FNDC3B: variants seen among roughly 807,000 people sequenced by gnomAD.
FNDC3B encodes the protein fibronectin type III domain containing 3B.
FNDC3B carries 12 observed loss-of-function variants against 151.5 expected under a neutral mutation model. The ratio of observed to expected loss-of-function variants is 0.08; its 90% confidence interval spans 0.05 to 0.13. The LOEUF is 0.13. Among genes scored for constraint, FNDC3B ranks in the 10% least tolerant of loss-of-function variants. FNDC3B has a pLI of 1.00. For missense variants in FNDC3B, 1,214 were observed against 1,505.3 expected (o/e 0.81, Z 3.20); for synonymous variants, 528 against 549.0 (o/e 0.96, Z 0.54).
At chr3:172,374,189 G>C (rs1408353390) in intron 23 of FNDC3B, among the ~76,000 whole-genome samples, 2 of 152,172 alleles carry the variant, frequency 1.3e-5, no homozygotes, top group African/African-American at 4.8e-5. Flanking sequence ...CAACATGGCA[G>C]CCTGCTCTGC....
chr3:172,092,973 C>T (rs1718914980), intron 1 of FNDC3B, among the ~76,000 whole-genome samples: 2 of 152,014 alleles, frequency 1.3e-5, no homozygotes, highest in Non-Finnish European at 2.9e-5. Context: ...TGTGCACCAC[C>T]ACACCTGGCT....
In FNDC3B at chr3:172,356,517, C is replaced by A. The variant is rs1006304474; in HGVS notation, c.2795+3434C>A. Among the ~76,000 whole-genome samples the A allele has an allele frequency of 3.9e-5, 6 of 152,218 alleles. No individual in the cohort carries two copies. In the South Asian group the frequency reaches 1.0e-3, roughly 26 times the overall value. ...AGGTAGAGATCTTATCTGTAGAAAC[C>A]TTATCCTTCAAGGTTTTTTTGCCTC... On this transcript the variant is annotated intron_variant, in intron 22 of 25. Coordinates refer to ENST00000415807, the MANE Select transcript of FNDC3B (RefSeq NM_022763.4).
intron 11 of FNDC3B, among the ~76,000 whole-genome samples, chr3:172,323,558 A>G (rs2108274638): frequency 6.6e-6 from 1 of 152,214 alleles, no homozygotes; most frequent in East Asian, 1.9e-4. Flanking sequence ...TGGAAACAGT[A>G]TTTCTCCCTT....
At chr3:172,322,081 TCAAA>T (rs1412656463) in intron 11 of FNDC3B, among the ~76,000 whole-genome samples, 3 of 152,348 alleles carry the variant, frequency 2.0e-5, no homozygotes, top group African/African-American at 4.8e-5. Context: ...CTTAGAGGCT[TCAAA>T]CAATCACTTT....
At chr3:172,368,290 A>T (rs1485018664) in intron 23 of FNDC3B, among the ~76,000 whole-genome samples, 1 of 139,236 alleles carries the variant, frequency 7.2e-6, no homozygotes, top group African/African-American at 2.7e-5. Flanking sequence ...AAAAAAAAAA[A>T]AGTCTGGAAT....
chr3:172,345,543 C>T (rs12185914), intron 19 of FNDC3B, among the ~76,000 whole-genome samples: 11,433 of 152,176 alleles, frequency 0.075, 451 homozygotes, highest in Middle Eastern at 0.1. Flanking sequence ...CCCAACTCCC[C>T]AGCATCTTTG....
chr3:172,256,762 G>C (rs1302858282), intron 6 of FNDC3B, among the ~76,000 whole-genome samples: 3 of 152,120 alleles, frequency 2.0e-5, no homozygotes, highest in Non-Finnish European at 4.4e-5. Flanking sequence ...TATTGTTATA[G>C]AAATAATTAG....
At chr3:172,380,134 G>A (rs1313086917) in intron 24 of FNDC3B, among the ~76,000 whole-genome samples, 1 of 151,288 alleles carries the variant, frequency 6.6e-6, no homozygotes, top group African/African-American at 2.4e-5. Context: ...ATTGCAAGCA[G>A]AAACAACTGT....
chr3:172,175,987 C>G (rs548133604), intron 3 of FNDC3B, among the ~76,000 whole-genome samples: 20 of 152,170 alleles, frequency 1.3e-4, no homozygotes, highest in Non-Finnish European at 2.8e-4. Context: ...TATAAATTTA[C>G]CCCATCAGGT....
chr3:172,333,683 T>C (rs904603091), intron 14 of FNDC3B, among the ~76,000 whole-genome samples: 4 of 152,012 alleles, frequency 2.6e-5, no homozygotes, highest in Non-Finnish European at 4.4e-5. Context: ...GCACAAAAAT[T>C]GTCATCATGT....
At chr3:172,058,816 G>A (rs764257165) in intron 1 of FNDC3B, among the ~76,000 whole-genome samples, 1 of 152,020 alleles carries the variant, frequency 6.6e-6, no homozygotes, top group Non-Finnish European at 1.5e-5. Flanking sequence ...CATAACTTCC[G>A]GTCATATATT....
intron 2 of FNDC3B, among the ~76,000 whole-genome samples, chr3:172,130,528 G>A (rs573730639): frequency 2.6e-5 from 4 of 152,080 alleles, no homozygotes; most frequent in Admixed American, 2.0e-4. Flanking sequence ...AGTAAGCAGG[G>A]GGGGAAGGTA....
chr3:172,154,597 T>C (rs1722393114), intron 3 of FNDC3B, among the ~76,000 whole-genome samples: 1 of 152,194 alleles, frequency 6.6e-6, no homozygotes, highest in South Asian at 2.1e-4. Flanking sequence ...TGGAGCTGAC[T>C]GAGGGCAGAG....
chr3:172,056,060 C>T lies in FNDC3B; in HGVS notation c.-29+16289C>T, dbSNP rs556499254. 1.2e-4 allele frequency among the ~76,000 whole-genome samples: 18 copies of T among 152,250 alleles called. No homozygotes were observed. In the East Asian group the frequency reaches 3.1e-3, roughly 26 times the overall value. ...CCTCCCAAAGTGCTGGGATTACAGG[C>T]GTGAGCCACTGCGCCCGGCCTGTTC... On this transcript the variant is annotated intron_variant, in intron 1 of 25. Transcript: ENST00000415807.
chr3:172,133,300 A>G (rs995786070), intron 2 of FNDC3B, among the ~76,000 whole-genome samples, 171 bp from the exon 3 acceptor site: 1 of 152,250 alleles, frequency 6.6e-6, no homozygotes. Context: ...ATTTGAATGC[A>G]TGTACTCCTC....
At chr3:172,190,748 A>AACCTCC (rs1470589725) in intron 3 of FNDC3B, among the ~76,000 whole-genome samples, 1 of 152,126 alleles carries the variant, frequency 6.6e-6, no homozygotes, top group Non-Finnish European at 1.5e-5. Context: ...GGCTCACCGC[A>AACCTCC]ACCTCCACCT....
intron 9 of FNDC3B, among the ~76,000 whole-genome samples, chr3:172,305,519 G>A (rs1731152762): frequency 6.6e-6 from 1 of 152,152 alleles, no homozygotes; most frequent in African/African-American, 2.4e-5. Context: ...GCAATGAAGA[G>A]GTTTAATCAG....
At chr3:172,199,404 CT>C (rs1234572746) in intron 3 of FNDC3B, among the ~76,000 whole-genome samples, 10 of 151,714 alleles carry the variant, frequency 6.6e-5, no homozygotes, top group African/African-American at 2.4e-4. Flanking sequence ...TGGTCTCGAT[CT>C]CCTGACCTCG....
intron 23 of FNDC3B, among the ~76,000 whole-genome samples, chr3:172,375,421 A>G (rs1271274683): frequency 2.0e-5 from 3 of 152,056 alleles, no homozygotes; most frequent in East Asian, 1.9e-4. Flanking sequence ...AGGATTCCTT[A>G]TGTCTCCCCT....
Sources: allele counts gnomAD v4.1 joint callset (sites outside exome capture counted in the v4.1 genomes callset), GRCh38; gene constraint gnomAD v4.1.1; transcripts MANE v1.5; gene names NCBI Gene and HGNC (gene_info 2026-07-23, HGNC 2026-07-21).